The following PTPRE variants were observed in gnomAD, a reference collection of about 807,000 sequenced individuals.
PTPRE encodes receptor-type tyrosine-protein phosphatase epsilon.
In PTPRE, 51 loss-of-function variants were observed where a neutral mutation model predicts 102.0. That is an observed-to-expected ratio of 0.50 (90% CI 0.40 to 0.63). PTPRE has a LOEUF of 0.63. Ranked by LOEUF, PTPRE falls within the 30% of genes least tolerant of loss-of-function variation. PTPRE has a pLI of 0.00. For missense variants in PTPRE, 752 were observed against 915.1 expected, an observed-to-expected ratio of 0.82 and a Z score of 2.30; for synonymous variants, 345 against 348.2, an observed-to-expected ratio of 0.99 and a Z score of 0.10.
At chr10:127,913,611 G>A (rs747444884) in intron 1 of PTPRE, among the ~76,000 whole-genome samples, 18 of 152,300 alleles carry the variant, frequency 1.2e-4, no homozygotes, top group South Asian at 6.2e-4. Context: ...GTGCAGACTG[G>A]TTTGCTGTCC....
At chr10:128,036,955 G>A (rs749380609) in intron 2 of PTPRE, among the ~76,000 whole-genome samples, 5 of 152,170 alleles carry the variant, frequency 3.3e-5, no homozygotes, top group Admixed American at 6.5e-5. Flanking sequence ...GAGCTGACGC[G>A]CAGCATCCAG....
At chr10:127,951,230 C>A (rs1330654761) in intron 1 of PTPRE, among the ~76,000 whole-genome samples, 1 of 152,166 alleles carries the variant, frequency 6.6e-6, no homozygotes, top group Non-Finnish European at 1.5e-5. Context: ...TCAATGAATT[C>A]CCAGACTTGA....
At chr10:128,065,515 C>T (rs1402769705) in intron 10 of PTPRE, among the ~76,000 whole-genome samples, 2 of 152,194 alleles carry the variant, frequency 1.3e-5, no homozygotes, top group African/African-American at 2.4e-5. Flanking sequence ...TAGCAATGCA[C>T]CCTCTTCTGC....
chr10:128,002,737 A>G (rs1424575436), intron 2 of PTPRE, among the ~76,000 whole-genome samples: 1 of 91,978 alleles, frequency 1.1e-5, no homozygotes, highest in African/African-American at 4.3e-5. Flanking sequence ...GGGTCTTGCT[A>G]TGTTACCCAG....
intron 10 of PTPRE, among the ~76,000 whole-genome samples, chr10:128,065,411 C>T (rs1036910858): frequency 2.6e-5 from 4 of 152,170 alleles, no homozygotes; most frequent in Non-Finnish European, 4.4e-5. Context: ...GCAGGTGCTG[C>T]GGGCGGTGCT....
intron 2 of PTPRE, among the ~76,000 whole-genome samples, chr10:128,020,718 C>T (rs1443348362): frequency 6.6e-6 from 1 of 152,128 alleles, no homozygotes; most frequent in Non-Finnish European, 1.5e-5. Context: ...ATCCAGAGCC[C>T]ACCTCAGACA....
At chr10:127,947,955 T>A (rs1330756706) in intron 1 of PTPRE, among the ~76,000 whole-genome samples, 1 of 152,110 alleles carries the variant, frequency 6.6e-6, no homozygotes, top group Non-Finnish European at 1.5e-5. Flanking sequence ...TACCTTCTCA[T>A]GTGACAGCAT....
At chr10:128,049,397 C>A in intron 5 of PTPRE, 133 bp from the exon 6 acceptor site, 1 of 1,153,702 alleles carries the variant, frequency 8.7e-7, no homozygotes, top group Non-Finnish European at 1.2e-6. Context: ...CTTAGCCCAG[C>A]TATGCGATTT....
chr10:127,928,299 T>C (rs1847178512), intron 1 of PTPRE, among the ~76,000 whole-genome samples: 1 of 152,242 alleles, frequency 6.6e-6, no homozygotes, highest in Non-Finnish European at 1.5e-5. Context: ...TATCTGGTCA[T>C]CTCTGTGCCC....
chr10:128,082,191 CTTTCTT>C (rs1851768268), intron 20 of PTPRE, among the ~76,000 whole-genome samples: 6 of 55,388 alleles, frequency 1.1e-4, no homozygotes, highest in East Asian at 4.8e-4. Context: ...ATTTTTTTCT[CTTTCTT>C]TTTTTTTTTT....
intron 17 of PTPRE, 34 bp from the exon 18 acceptor site, chr10:128,076,569 T>C (rs1851225219): frequency 1.3e-6 from 2 of 1,551,560 alleles, no homozygotes; most frequent in Non-Finnish European, 1.7e-6. Context: ...AAATTATTTA[T>C]TACAAGACTT....
chr10:127,920,173 G>C (rs1481798383), intron 1 of PTPRE, among the ~76,000 whole-genome samples: 1 of 152,202 alleles, frequency 6.6e-6, no homozygotes, highest in African/African-American at 2.4e-5. Flanking sequence ...GTAAGAAAGT[G>C]CGTGGAGCCT....
In PTPRE at chr10:127,975,602, T is replaced by C. The variant is rs146329899; in HGVS notation, c.-30-6672T>C. Among the ~76,000 whole-genome samples, 639 of 152,234 alleles carry C rather than the reference T, an allele frequency of 4.2e-3. 7 individuals are homozygous for C. The highest frequency in any genetic ancestry group is 5.4e-3 in the Non-Finnish European group (366 of 68,020). Reference sequence around the variant, plus strand: ...TGGTGAAAGGCAGGTGTGTTTCCAATTGGCACGCTGAAAAAGAAAACCTGA... The same window carrying C: ...TGGTGAAAGGCAGGTGTGTTTCCAACTGGCACGCTGAAAAAGAAAACCTGA... On this transcript the variant is annotated intron_variant, in intron 1 of 20. Coordinates refer to ENST00000254667, the MANE Select transcript of PTPRE (RefSeq NM_006504.6).
chr10:128,051,166 C>T (rs558737676), intron 6 of PTPRE, among the ~76,000 whole-genome samples: 23 of 152,300 alleles, frequency 1.5e-4, no homozygotes, highest in African/African-American at 5.5e-4. Flanking sequence ...TCCCCTTGCA[C>T]TTTTGTTTCC....
chr10:127,972,653 C>T (rs1318472281), intron 1 of PTPRE, among the ~76,000 whole-genome samples: 1 of 152,190 alleles, frequency 6.6e-6, no homozygotes, highest in Non-Finnish European at 1.5e-5. Context: ...CAGCAAGTAT[C>T]GGTGACCTCA....
At chr10:128,064,805 T>C (rs1849914729) in intron 10 of PTPRE, among the ~76,000 whole-genome samples, 1 of 152,230 alleles carries the variant, frequency 6.6e-6, no homozygotes, top group Non-Finnish European at 1.5e-5. Flanking sequence ...TTTTTCTTAA[T>C]TGCTCACACT....
intron 1 of PTPRE, among the ~76,000 whole-genome samples, chr10:127,908,965 C>T (rs1026127603): frequency 1.2e-4 from 18 of 152,218 alleles, no homozygotes; most frequent in African/African-American, 3.6e-4. Flanking sequence ...TGAGGGAAGT[C>T]GATGAGGGTG....
chr10:127,933,556 G>A (rs1258368529), intron 1 of PTPRE, among the ~76,000 whole-genome samples: 2 of 152,168 alleles, frequency 1.3e-5, no homozygotes, highest in Admixed American at 6.5e-5. Context: ...TCTGATGTGC[G>A]ATAAAAATGT....
At chr10:127,996,490 A>G (rs1853277994) in intron 2 of PTPRE, among the ~76,000 whole-genome samples, 1 of 152,236 alleles carries the variant, frequency 6.6e-6, no homozygotes, top group Non-Finnish European at 1.5e-5. Context: ...CATTCCTTAC[A>G]GTAAAACCTC....
Sources: allele counts gnomAD v4.1 joint callset (sites outside exome capture counted in the v4.1 genomes callset), GRCh38; gene constraint gnomAD v4.1.1; transcripts MANE v1.5; gene names NCBI Gene and HGNC (gene_info 2026-07-23, HGNC 2026-07-21).